The following TNFSF12 variants were observed in gnomAD, a reference collection of about 807,000 sequenced individuals.
TNFSF12 encodes the protein TNF superfamily member 12.
In TNFSF12, 16 loss-of-function variants were observed where a neutral mutation model predicts 31.2. That is an observed-to-expected ratio of 0.51 (90% confidence interval 0.35 to 0.78). The LOEUF (loss-of-function observed/expected upper bound fraction) is 0.78, where lower values mean the gene tolerates loss of function less well. Among genes scored for constraint, TNFSF12 ranks in the 30% least tolerant of loss-of-function variants. The pLI is 0.01. For synonymous variants in TNFSF12, 150 were observed against 151.4 expected, an observed-to-expected ratio of 0.99 and a Z score of 0.07; for missense variants, 324 against 338.8, an observed-to-expected ratio of 0.96 and a Z score of 0.34.
rs1567719905 is a variant in TNFSF12 at position 7,549,809 on chromosome 17, G to A, written c.207+288G>A. The A allele has an allele frequency of 1.7e-6, 1 of 603,306 alleles. No individual in the cohort carries two copies. Among genetic ancestry groups the A allele is most frequent in the South Asian group, 2.2e-5 (1 of 46,150 alleles). The allele number at this position is 603,306 out of a possible 1,614,324, so 37.4% of individuals were successfully genotyped here. Reference sequence around the variant, plus strand: ...CTGCGTGGAAGAGGGGTGCGGTTGTGTACAGGGTGTGTATCCTCTGTGCGT... The same window carrying A: ...CTGCGTGGAAGAGGGGTGCGGTTGTATACAGGGTGTGTATCCTCTGTGCGT... On this transcript the variant is annotated intron_variant, in intron 2 of 6. Coordinates refer to ENST00000293825, the MANE Select transcript of TNFSF12 (RefSeq NM_003809.3). This position sits in a 1 kb window ranked among gnomAD's most constrained non-coding sequence, Gnocchi z 4.1.
In TNFSF12 at chr17:7,557,762, A is replaced by C; in HGVS notation, c.*412A>C. The C allele has an allele frequency of 5.6e-6, 1 of 180,048 alleles. No homozygotes were observed. Among genetic ancestry groups the C allele is most frequent in the Non-Finnish European group, 1.2e-5 (1 of 86,580 alleles). 11.2% of individuals were successfully genotyped at this position (180,048 alleles called of 1,614,324 possible). A position where few individuals can be genotyped will look rare whatever the true frequency, so the allele number is the denominator to read the frequency against. On this transcript the variant is annotated 3_prime_UTR_variant, in exon 7 of 7. Coordinates refer to ENST00000293825, the MANE Select transcript of TNFSF12 (RefSeq NM_003809.3). This position sits in a 1 kb window ranked among gnomAD's most constrained non-coding sequence, Gnocchi z 5.2. Reference sequence around the variant, plus strand: ...ACTGGGCCTAGGCCAGGAGTTCCCAAATGTGAGGGGCGAGAAACAAGACAA... The same window carrying C: ...ACTGGGCCTAGGCCAGGAGTTCCCACATGTGAGGGGCGAGAAACAAGACAA...
intron 5 of TNFSF12, chr17:7,553,741 A>G (rs2071027066): frequency 1.6e-6 from 2 of 1,243,264 alleles, no homozygotes; most frequent in Non-Finnish European, 2.1e-6. Flanking sequence ...GGCCACATCC[A>G]AAAAGGGGAG....
In TNFSF12 at chr17:7,550,404, G is replaced by C. The variant is rs1383709618; in HGVS notation, c.283+209G>C. On this transcript the variant is annotated intron_variant, in intron 3 of 6. Transcript: ENST00000293825. This position sits in a 1 kb window ranked among gnomAD's most constrained non-coding sequence, Gnocchi z 4.4. Reference sequence around the variant, plus strand: ...ACCCTACCCCAAACAGGAAGGCAGGGTGGCCATGAGTTAGAAGAACTACTG... The same window carrying C: ...ACCCTACCCCAAACAGGAAGGCAGGCTGGCCATGAGTTAGAAGAACTACTG... 6.6e-6 allele frequency among the ~76,000 whole-genome samples: 1 copy of C among 152,178 alleles called. No individual in the cohort carries two copies. Among genetic ancestry groups the C allele is most frequent in the African/African-American group, 2.4e-5 (1 of 41,436 alleles).
chr17:7,551,124 G>T, intron 5 of TNFSF12, 146 bp downstream of exon 5: 1 of 1,403,470 alleles, frequency 7.1e-7, no homozygotes, highest in Non-Finnish European at 9.6e-7. Flanking sequence ...TGACCCAGGC[G>T]TGGGACCCCA....
At chr17:7,553,823 C>A in intron 5 of TNFSF12, 1 of 1,128,130 alleles carries the variant, frequency 8.9e-7, no homozygotes, top group South Asian at 2.0e-5. Context: ...AACAAGAGAC[C>A]AGGTGGGTTT....
chr17:7,554,516 C>T (rs1021678452), intron 5 of TNFSF12, among the ~76,000 whole-genome samples: 32 of 150,338 alleles, frequency 2.1e-4, no homozygotes, highest in African/African-American at 3.9e-4. Context: ...GGGGTTTCAC[C>T]GTGTTAGCCA....
intron 5 of TNFSF12, among the ~76,000 whole-genome samples, chr17:7,555,654 G>T (rs954794520): frequency 1.3e-5 from 2 of 152,260 alleles, no homozygotes; most frequent in African/African-American, 4.8e-5. Context: ...GGCACCAGAT[G>T]GGGGAGAGAG....
At chr17:7,556,493 C>T (rs747715311) in intron 5 of TNFSF12, among the ~76,000 whole-genome samples, 1 of 152,154 alleles carries the variant, frequency 6.6e-6, no homozygotes, top group Middle Eastern at 3.2e-3. Flanking sequence ...TGAAGTAAAA[C>T]ATTAAATCCC....
chr17:7,553,990 C>A (rs1047659166), intron 5 of TNFSF12, among the ~76,000 whole-genome samples: 3 of 152,184 alleles, frequency 2.0e-5, no homozygotes, highest in Admixed American at 2.0e-4. Flanking sequence ...TGTAAGATTG[C>A]CAGGCAGGAC....
In TNFSF12 at chr17:7,549,648, C is replaced by T. The variant is rs1050893803; in HGVS notation, c.207+127C>T. 5 of 1,354,872 alleles carry T rather than the reference C, an allele frequency of 3.7e-6. No homozygotes were observed. Among genetic ancestry groups the T allele is most frequent in the East Asian group, 2.6e-5 (1 of 38,790 alleles). 83.9% of individuals were successfully genotyped at this position (1,354,872 alleles called of 1,614,324 possible). A position where few individuals can be genotyped will look rare whatever the true frequency, so the allele number is the denominator to read the frequency against. On this transcript the variant is annotated intron_variant, in intron 2 of 6. Transcript: ENST00000293825. The surrounding 1 kb of genome is among the most constrained non-coding windows in gnomAD (Gnocchi z 4.1). ...GTGCAGGGTGTGTGTGAACACAGTG[C>T]GTGCATGGGTGCGTGTCTGCAGGGG...
Position 7,557,381 on chromosome 17 carries a change from G to A in TNFSF12, c.*31G>A. 1 of 1,548,550 alleles carries A rather than the reference G, an allele frequency of 6.5e-7. No homozygotes were observed. On this transcript the variant is annotated 3_prime_UTR_variant, in exon 7 of 7. Transcript: ENST00000293825. This position sits in a 1 kb window ranked among gnomAD's most constrained non-coding sequence, Gnocchi z 5.2. The stretch of plus-strand genomic sequence containing the variant: ...CCTGGTCTCCCCGCAGTCGTCCCAG[G>A]CTGCCGGCTCCCCTCGACAGCTCTC...
intron 5 of TNFSF12, among the ~76,000 whole-genome samples, chr17:7,551,280 A>C (rs1254965854): frequency 6.6e-6 from 1 of 151,816 alleles, no homozygotes; most frequent in Non-Finnish European, 1.5e-5. Flanking sequence ...CGTTCTGATG[A>C]TCTTTTTCTC....
chr17:7,552,147 T>C (rs1597824604), intron 5 of TNFSF12, among the ~76,000 whole-genome samples: 1 of 152,154 alleles, frequency 6.6e-6, no homozygotes, highest in South Asian at 2.1e-4. Flanking sequence ...TAAGAAGGGA[T>C]TGACCAAGGA....
intron 5 of TNFSF12, 149 bp from the exon 6 acceptor site, chr17:7,556,629 A>AAC: frequency 7.8e-7 from 1 of 1,281,510 alleles, no homozygotes; most frequent in Non-Finnish European, 1.0e-6. Context: ...TATGGGCATC[A>AAC]TAGGGGATGG....
chr17:7,555,973 G>GTTTGTTT (rs1555564688), intron 5 of TNFSF12, among the ~76,000 whole-genome samples: 4 of 70,878 alleles, frequency 5.6e-5, no homozygotes, highest in African/African-American at 2.3e-4. Context: ...CCCAGTGAGC[G>GTTTGTTT]TTTTTTTTGT....
At chr17:7,554,551 G>A (rs573564471) in intron 5 of TNFSF12, among the ~76,000 whole-genome samples, 5 of 149,756 alleles carry the variant, frequency 3.3e-5, no homozygotes, top group Admixed American at 6.7e-5. Context: ...TCCTGACCTC[G>A]TGATCCACCC....
Position 7,549,887 on chromosome 17 carries a change from G to C in TNFSF12, c.208-233G>C. ...TGTGCCAATTGAATGCAGGGTCTGCGTTGGTTGTGTGTGTGGGTGGGAAAG... is the reference window on the plus strand; with the variant it reads ...TGTGCCAATTGAATGCAGGGTCTGCCTTGGTTGTGTGTGTGGGTGGGAAAG... On this transcript the variant is annotated intron_variant, in intron 2 of 6. Transcript: ENST00000293825. The surrounding 1 kb of genome is among the most constrained non-coding windows in gnomAD (Gnocchi z 4.1). 1 of 635,060 alleles carries C rather than the reference G, an allele frequency of 1.6e-6. No homozygotes were observed. The highest frequency in any genetic ancestry group is 2.7e-6 in the Non-Finnish European group (1 of 367,004). 39.3% of individuals were successfully genotyped at this position (635,060 alleles called of 1,614,324 possible).
chr17:7,549,528 G>A lies in TNFSF12; in HGVS notation c.207+7G>A. Reference sequence around the variant, plus strand: ...GGAGGACCAGGACCCGTCGGTGAGTGGGCGTGGGCGCGGTCTGCAGGCTGC... The same window carrying A: ...GGAGGACCAGGACCCGTCGGTGAGTAGGCGTGGGCGCGGTCTGCAGGCTGC... On this transcript the variant is annotated splice_region_variant and intron_variant, in intron 2 of 6. Transcript: ENST00000293825. This position sits in a 1 kb window ranked among gnomAD's most constrained non-coding sequence, Gnocchi z 4.1. 1 of 1,548,572 alleles carries A rather than the reference G, an allele frequency of 6.5e-7. No individual in the cohort carries two copies. The highest frequency in any genetic ancestry group is 8.7e-7 in the Non-Finnish European group (1 of 1,144,076).
At chr17:7,556,738 G>A (rs2071072906) in intron 5 of TNFSF12, 40 bp from the exon 6 acceptor site, 4 of 1,477,782 alleles carry the variant, frequency 2.7e-6, no homozygotes, top group Non-Finnish European at 3.6e-6. Flanking sequence ...GGGGAGTCCT[G>A]TAGAGAGACG....
Sources: allele counts gnomAD v4.1 joint callset (sites outside exome capture counted in the v4.1 genomes callset), GRCh38; gene constraint gnomAD v4.1.1; non-coding constraint Gnocchi (gnomAD v3.1); transcripts MANE v1.5; gene names NCBI Gene and HGNC (gene_info 2026-07-23, HGNC 2026-07-21).